AFG1L: variants seen among roughly 807,000 people sequenced by gnomAD.
AFG1L encodes AFG1-like ATPase.
A neutral mutation model predicts 62.2 loss-of-function variants in AFG1L; 53 were observed. The observed-to-expected ratio is 0.85, with a 90% confidence interval of 0.68 to 1.07. The LOEUF (loss-of-function observed/expected upper bound fraction) is 1.07, where lower values mean the gene tolerates loss of function less well. Among genes scored for constraint, AFG1L ranks in the 50% least tolerant of loss-of-function variants. The pLI is 0.00. For missense variants in AFG1L, 555 were observed against 590.5 expected (o/e 0.94, Z 0.62); for synonymous variants, 228 against 210.3 (o/e 1.08, Z -0.73).
At chr6:108,474,765 G>A (rs1021389377) in intron 8 of AFG1L, among the ~76,000 whole-genome samples, 1 of 152,138 alleles carries the variant, frequency 6.6e-6, no homozygotes, top group Non-Finnish European at 1.5e-5. Flanking sequence ...ATTTGTTTAA[G>A]TTCCTTGTAG....
At chr6:108,316,080 T>C (rs778373534) in intron 1 of AFG1L, among the ~76,000 whole-genome samples, 1 of 151,976 alleles carries the variant, frequency 6.6e-6, no homozygotes, top group Non-Finnish European at 1.5e-5. Flanking sequence ...GTTCTTATCT[T>C]GTTTAAAAAT....
At chr6:108,485,658 T>TA (rs1562190010) in intron 10 of AFG1L, among the ~76,000 whole-genome samples, 75 of 13,042 alleles carry the variant, frequency 5.8e-3, no homozygotes, top group Non-Finnish European at 7.0e-3. Context: ...ATATATATAT[T>TA]TTTTTTTTTT....
intron 6 of AFG1L, among the ~76,000 whole-genome samples, chr6:108,396,324 A>T (rs530042074): frequency 6.6e-6 from 1 of 152,296 alleles, no homozygotes; most frequent in South Asian, 2.1e-4. Context: ...GTGTGTATAA[A>T]TATACCTACA....
intron 11 of AFG1L, among the ~76,000 whole-genome samples, chr6:108,517,589 A>T (rs1357767926): frequency 6.6e-6 from 1 of 152,226 alleles, no homozygotes; most frequent in Non-Finnish European, 1.5e-5. Flanking sequence ...GGACATAGGC[A>T]TGGGCAAGGA....
intron 6 of AFG1L, among the ~76,000 whole-genome samples, chr6:108,380,942 C>T (rs1780480590): frequency 6.6e-6 from 1 of 152,224 alleles, no homozygotes; most frequent in African/African-American, 2.4e-5. Flanking sequence ...TTCTGGCATT[C>T]TCCTCCGTGG....
At chr6:108,392,330 A>G (rs975613782) in intron 6 of AFG1L, among the ~76,000 whole-genome samples, 5 of 152,218 alleles carry the variant, frequency 3.3e-5, no homozygotes, top group Non-Finnish European at 5.9e-5. Flanking sequence ...GCACAAAATT[A>G]TTAAAAATAT....
At chr6:108,443,864 G>T (rs1347975042) in intron 7 of AFG1L, among the ~76,000 whole-genome samples, 9 of 150,940 alleles carry the variant, frequency 6.0e-5, no homozygotes, top group Non-Finnish European at 1.0e-4. Flanking sequence ...AACAGAGTAA[G>T]ACTCTGTCGA....
chr6:108,438,285 C>A (rs908816017), intron 7 of AFG1L, among the ~76,000 whole-genome samples: 4 of 152,140 alleles, frequency 2.6e-5, no homozygotes, highest in Admixed American at 2.6e-4. Context: ...AGGACAAAGA[C>A]GTTGGCAGGT....
At chr6:108,478,354 G>A (rs887449918) in intron 10 of AFG1L, among the ~76,000 whole-genome samples, 21 of 152,308 alleles carry the variant, frequency 1.4e-4, no homozygotes, top group African/African-American at 4.8e-4. Context: ...GGAGAATGGC[G>A]TGAACCCGGG....
At position 108,446,914 on chromosome 6, in the gene AFG1L, T is replaced by TA. The variant is rs201851764; in HGVS notation, c.808-292dup. 6.1e-3 allele frequency among the ~76,000 whole-genome samples: 928 copies of TA among 152,062 alleles called. 10 individuals are homozygous for TA. The highest frequency in any genetic ancestry group is 0.021 in the African/African-American group (864 of 41,466). On this transcript the variant is annotated intron_variant, in intron 7 of 12. Transcript: ENST00000368977. ...CAGGGTATTAGAAATTGGGCTATTT[T>TA]AAAAAAAACCCAGATGAAGTTATTT...
At chr6:108,358,435 G>C (rs1779385062) in intron 5 of AFG1L, among the ~76,000 whole-genome samples, 1 of 152,148 alleles carries the variant, frequency 6.6e-6, no homozygotes, top group Admixed American at 6.5e-5. Context: ...GAAATCTAAA[G>C]GCATTAGAAT....
chr6:108,498,966 T>C (rs1336206294), intron 10 of AFG1L, among the ~76,000 whole-genome samples: 1 of 152,114 alleles, frequency 6.6e-6, no homozygotes, highest in Non-Finnish European at 1.5e-5. Context: ...AGAGTGAGAC[T>C]CTATTTCAAA....
At chr6:108,462,332 A>AG (rs2114781703) in intron 8 of AFG1L, among the ~76,000 whole-genome samples, 1 of 152,026 alleles carries the variant, frequency 6.6e-6, no homozygotes, top group East Asian at 1.9e-4. Context: ...TGAACCCAGG[A>AG]GGTCGAGGAT....
At chr6:108,325,854 C>T (rs142649762) in intron 2 of AFG1L, among the ~76,000 whole-genome samples, 1 of 152,122 alleles carries the variant, frequency 6.6e-6, no homozygotes, top group Non-Finnish European at 1.5e-5. Context: ...GATATCTTGG[C>T]TCACTGTAGC....
rs77495575 is a variant in AFG1L, at chr6:108,452,497, A to G, written c.890+5201A>G. 6.6e-4 allele frequency among the ~76,000 whole-genome samples: 101 copies of G among 152,202 alleles called. 5 individuals carry two copies. In the East Asian group the frequency reaches 0.011, roughly 17 times the overall value. On this transcript the variant is annotated intron_variant, in intron 8 of 12. Coordinates refer to ENST00000368977, the MANE Select transcript of AFG1L (RefSeq NM_145315.5). ...TCAAACACCATATCTTTCCATACTC[A>G]CATACAAACACTGTGCCCTCCACAC...
At chr6:108,470,964 C>T (rs1772863867) in intron 8 of AFG1L, among the ~76,000 whole-genome samples, 1 of 152,178 alleles carries the variant, frequency 6.6e-6, no homozygotes, top group Non-Finnish European at 1.5e-5. Flanking sequence ...GCTAAGGACC[C>T]TTGCAGAGCT....
In AFG1L at chr6:108,525,305, T is replaced by C. The variant is rs934177649; in HGVS notation, c.*2880T>C. 3 of 152,346 alleles carry C rather than the reference T, an allele frequency of 2.0e-5. No homozygotes were observed. Among genetic ancestry groups the C allele is most frequent in the Admixed American group, 2.0e-4 (3 of 15,302 alleles). The allele number at this position is 152,346 out of a possible 1,614,324, so 9.4% of individuals were successfully genotyped here. ...CAGTGTATGAGCTTATTTGCTGATA[T>C]CACTAATCCTGAGATGAAAAACAGG... On this transcript the variant is annotated 3_prime_UTR_variant, in exon 13 of 13. Coordinates refer to ENST00000368977, the MANE Select transcript of AFG1L (RefSeq NM_145315.5).
chr6:108,343,176 T>A (rs9486862), intron 2 of AFG1L, among the ~76,000 whole-genome samples: 1 of 151,522 alleles, frequency 6.6e-6, no homozygotes, highest in South Asian at 2.1e-4. Flanking sequence ...GTGATTCTCC[T>A]GCCTCAGCCT....
chr6:108,501,198 T>C (rs576898284), intron 10 of AFG1L, among the ~76,000 whole-genome samples: 5 of 152,312 alleles, frequency 3.3e-5, no homozygotes, highest in African/African-American at 9.6e-5. Context: ...TTTCACCATG[T>C]TGGCCAGGCT....
Sources: allele counts gnomAD v4.1 joint callset (sites outside exome capture counted in the v4.1 genomes callset), GRCh38; gene constraint gnomAD v4.1.1; transcripts MANE v1.5; gene names NCBI Gene and HGNC (gene_info 2026-07-23, HGNC 2026-07-21).